IMPG1: variants seen among roughly 807,000 people sequenced by gnomAD.
IMPG1 encodes interphotoreceptor matrix proteoglycan of 150 kDa.
In IMPG1, 85 loss-of-function variants were observed where a neutral mutation model predicts 92.0. The observed-to-expected ratio is 0.92, with a 90% CI of 0.78 to 1.11. The LOEUF (loss-of-function observed/expected upper bound fraction) is 1.11, where lower values mean the gene tolerates loss of function less well. IMPG1 is among the 50% of genes least tolerant of loss of function. The pLI, the probability that IMPG1 is intolerant of heterozygous loss-of-function variation, is 0.00. For synonymous variants in IMPG1, 367 were observed against 334.1 expected, an observed-to-expected ratio of 1.10 and a Z score of -1.08; for missense variants, 1,022 against 956.0, an observed-to-expected ratio of 1.07 and a Z score of -0.91.
At chr6:75,963,722 C>T (rs1490526969) in intron 12 of IMPG1, among the ~76,000 whole-genome samples, 1 of 152,164 alleles carries the variant, frequency 6.6e-6, no homozygotes, top group Non-Finnish European at 1.5e-5. Context: ...CCTGTTATCC[C>T]CCACTCCCCA....
In IMPG1 at chr6:76,011,217, T is replaced by C; in HGVS notation, c.815A>G (p.Lys272Arg). The change falls in exon 8 of 17, where the codon AAG becomes AGG. Residue 272 changes from lysine to arginine, a missense_variant. This residue lies in a region of IMPG1 where 681 missense variants were observed against 583.6 expected (regional missense o/e 1.17). Coordinates refer to ENST00000369950, the MANE Select transcript of IMPG1 (RefSeq NM_001563.4). ...GAATCCTGGAAGTTTCTTAAATATC[T>C]TTTGCATCTGCAGAGAGAAAGAAAT... is the stretch of plus-strand genomic sequence containing the variant. ...LAGKSQLQMQ[K>R]IFKKLPGFKK... is the part of the protein sequence containing the mutation. 6.5e-7 allele frequency: 1 copy of C among 1,542,250 alleles called. No individual in the cohort carries two copies. Among genetic ancestry groups the C allele is most frequent in the Admixed American group, 1.7e-5 (1 of 59,662 alleles).
At chr6:75,927,623 A>C (rs757339346) in intron 15 of IMPG1, among the ~76,000 whole-genome samples, 3 of 152,052 alleles carry the variant, frequency 2.0e-5, no homozygotes, top group Non-Finnish European at 2.9e-5. Flanking sequence ...GTTAATACTT[A>C]ACATTTAAAA....
intron 6 of IMPG1, among the ~76,000 whole-genome samples, chr6:76,020,141 C>T (rs1036754468): frequency 6.6e-6 from 1 of 152,164 alleles, no homozygotes; most frequent in African/African-American, 2.4e-5. Context: ...CAGCCTCAAC[C>T]TCCCGGGCTC....
At chr6:76,058,700 C>T (rs1031759974) in intron 1 of IMPG1, among the ~76,000 whole-genome samples, 8 of 152,132 alleles carry the variant, frequency 5.3e-5, no homozygotes, top group African/African-American at 1.7e-4. Context: ...TTTTGGAAAT[C>T]TGGCTAGGGG....
intron 1 of IMPG1, among the ~76,000 whole-genome samples, chr6:76,072,051 A>T (rs1784410656): frequency 6.6e-6 from 1 of 152,106 alleles, no homozygotes. Context: ...AATGACTTAA[A>T]ACATTACTTT....
At chr6:76,055,915 T>C (rs570256064) in intron 1 of IMPG1, among the ~76,000 whole-genome samples, 1 of 152,214 alleles carries the variant, frequency 6.6e-6, no homozygotes, top group South Asian at 2.1e-4. Context: ...AATTGAGTAG[T>C]CAAATATCTT....
rs752278955 is a variant in IMPG1 at position 76,034,579 on chromosome 6, T to C, written c.468+42A>G. On this transcript the variant is annotated intron_variant, in intron 3 of 16. Transcript: ENST00000369950. ...CCTAGGGGCTGGAGCCTGGGAACTG[T>C]TCGTGCAGTGTTCCAAATAACCATG... 4 of 1,603,122 alleles carry C rather than the reference T, an allele frequency of 2.5e-6. No homozygotes were observed. In the African/African-American group the frequency reaches 4.0e-5, roughly 16 times the overall value.
intron 2 of IMPG1, among the ~76,000 whole-genome samples, chr6:76,041,243 T>G (rs73468820): frequency 6.6e-6 from 1 of 152,162 alleles, no homozygotes; most frequent in Admixed American, 6.5e-5. Context: ...TCCTTAATGG[T>G]TTCTGGCAAT....
intron 14 of IMPG1, among the ~76,000 whole-genome samples, chr6:75,945,433 C>T (rs1781910340): frequency 6.6e-6 from 1 of 150,836 alleles, no homozygotes; most frequent in Non-Finnish European, 1.5e-5. Context: ...TCACTGCAAC[C>T]TCTGCCTTCC....
chr6:76,017,845 C>A (rs1020931400), intron 7 of IMPG1, among the ~76,000 whole-genome samples: 1 of 152,196 alleles, frequency 6.6e-6, no homozygotes, highest in African/African-American at 2.4e-5. Flanking sequence ...CTCTGCCCCC[C>A]GGGTTCAAGC....
At chr6:76,021,293 A>G (rs1562372871) in intron 6 of IMPG1, among the ~76,000 whole-genome samples, 1 of 152,080 alleles carries the variant, frequency 6.6e-6, no homozygotes, top group East Asian at 1.9e-4. Context: ...TACCAAACCA[A>G]TGTACTTCTG....
intron 1 of IMPG1, among the ~76,000 whole-genome samples, chr6:76,069,055 G>C (rs975640328): frequency 2.0e-5 from 3 of 152,152 alleles, no homozygotes; most frequent in Middle Eastern, 3.4e-3. Context: ...GAATGGAACA[G>C]AGTAGAGAAC....
chr6:75,994,943 A>ATT (rs1782871557), intron 12 of IMPG1, among the ~76,000 whole-genome samples: 1 of 152,214 alleles, frequency 6.6e-6, no homozygotes, highest in South Asian at 2.1e-4. Context: ...CACTGACTAA[A>ATT]AAGAGGTAAG....
chr6:75,932,646 A>C (rs1781684080), intron 14 of IMPG1, among the ~76,000 whole-genome samples: 2 of 152,096 alleles, frequency 1.3e-5, no homozygotes. Flanking sequence ...TATCCCAAAG[A>C]CATTTTTCCT....
chr6:75,924,636 T>G (rs373862217), intron 15 of IMPG1, among the ~76,000 whole-genome samples: 1,388 of 19,276 alleles, frequency 0.072, 433 homozygotes, highest in South Asian at 0.1. Flanking sequence ...AATTATATAT[T>G]ATATATAATT....
chr6:75,988,245 A>G (rs550345103), intron 12 of IMPG1, among the ~76,000 whole-genome samples: 28 of 152,220 alleles, frequency 1.8e-4, no homozygotes, highest in Non-Finnish European at 3.1e-4. Flanking sequence ...CCAACAGTGT[A>G]AAAGCATTCC....
chr6:76,067,186 T>A (rs1784323488), intron 1 of IMPG1, among the ~76,000 whole-genome samples: 2 of 147,642 alleles, frequency 1.4e-5, no homozygotes. Context: ...ATAACAAACA[T>A]CAAAGGAGAA....
chr6:76,021,782 T>TATATATATATATATATAC (rs1226683172), intron 6 of IMPG1, among the ~76,000 whole-genome samples: 2 of 133,976 alleles, frequency 1.5e-5, no homozygotes, highest in African/African-American at 2.7e-5. Context: ...GGAGAGCATA[T>TATATATATATATATATAC]ATATATATAT....
chr6:75,940,453 CTATTT>C (rs1211792087), intron 14 of IMPG1, among the ~76,000 whole-genome samples: 1 of 152,090 alleles, frequency 6.6e-6, no homozygotes, highest in African/African-American at 2.4e-5. Flanking sequence ...CCCTTTGTAC[CTATTT>C]TATATTTTTC....
Sources: allele counts gnomAD v4.1 joint callset (sites outside exome capture counted in the v4.1 genomes callset), GRCh38; gene constraint gnomAD v4.1.1; regional missense constraint gnomAD v4.1.1; transcripts MANE v1.5; gene names NCBI Gene and HGNC (gene_info 2026-07-23, HGNC 2026-07-21).